NPAS3: variants seen among roughly 807,000 people sequenced by gnomAD.
NPAS3 encodes neuronal PAS domain protein 3.
Under a neutral mutation model 73.1 loss-of-function variants are expected in NPAS3, and 14 were observed. The observed-to-expected ratio is 0.19, with a 90% CI of 0.13 to 0.30. NPAS3 has a LOEUF of 0.30. NPAS3 is among the 10% of genes least tolerant of loss of function. The pLI is 1.00. For missense variants in NPAS3, 1,096 were observed against 1,250.0 expected (o/e 0.88, Z 1.86); for synonymous variants, 620 against 541.5 (o/e 1.14, Z -2.01).
chr14:33,246,566 A>G (rs1437500794), intron 3 of NPAS3, among the ~76,000 whole-genome samples: 1 of 149,826 alleles, frequency 6.7e-6, no homozygotes, highest in African/African-American at 2.4e-5. Context: ...AAGAAGAACT[A>G]AGTGCTCACT....
chr14:33,088,691 A>T (rs2042117845), intron 2 of NPAS3, among the ~76,000 whole-genome samples: 1 of 152,198 alleles, frequency 6.6e-6, no homozygotes, highest in African/African-American at 2.4e-5. Flanking sequence ...TTCTCCTAGC[A>T]CCGAGTTTTA....
intron 1 of NPAS3, 31 bp from the exon 2 acceptor site, chr14:33,055,874 T>G: frequency 1.3e-6 from 1 of 781,228 alleles, no homozygotes; most frequent in Non-Finnish European, 2.3e-6. Context: ...GAATCTCTAG[T>G]CATGTCTATC....
chr14:33,459,871 C>A (rs1211875298), intron 4 of NPAS3, among the ~76,000 whole-genome samples: 2 of 120,088 alleles, frequency 1.7e-5, no homozygotes, highest in African/African-American at 3.5e-5. Flanking sequence ...ATAATCCGTT[C>A]TCTTCTCTTT....
chr14:33,002,751 G>A (rs917918392), intron 1 of NPAS3, among the ~76,000 whole-genome samples: 2 of 152,214 alleles, frequency 1.3e-5, no homozygotes, highest in Non-Finnish European at 1.5e-5. Context: ...TTGAATGACT[G>A]TAATGTGTTG....
intron 9 of NPAS3, among the ~76,000 whole-genome samples, chr14:33,782,062 G>T (rs922306320): frequency 6.6e-6 from 1 of 152,182 alleles, no homozygotes; most frequent in Non-Finnish European, 1.5e-5. Flanking sequence ...AACTACACTG[G>T]AACTCTAAAG....
At chr14:33,701,245 C>CT (rs1445391510) in intron 6 of NPAS3, among the ~76,000 whole-genome samples, 1 of 152,196 alleles carries the variant, frequency 6.6e-6, no homozygotes, top group African/African-American at 2.4e-5. Flanking sequence ...TTAGGACTGT[C>CT]TTTTTTATTT....
chr14:33,081,532 G>T (rs1361854055), intron 2 of NPAS3, among the ~76,000 whole-genome samples: 1 of 152,170 alleles, frequency 6.6e-6, no homozygotes, highest in Non-Finnish European at 1.5e-5. Flanking sequence ...TGTAAATAGA[G>T]ACTTCTTCTA....
chr14:33,517,571 C>A (rs137896105), intron 4 of NPAS3, among the ~76,000 whole-genome samples: 1 of 152,140 alleles, frequency 6.6e-6, no homozygotes, highest in Non-Finnish European at 1.5e-5. Context: ...TTCTCCCACA[C>A]CTGTAAAGCT....
chr14:33,133,203 T>C (rs2043704545), intron 2 of NPAS3, among the ~76,000 whole-genome samples: 2 of 152,124 alleles, frequency 1.3e-5, no homozygotes, highest in Non-Finnish European at 2.9e-5. Flanking sequence ...ATATAATAAA[T>C]TGTATTATAG....
chr14:33,518,015 T>A (rs2053383186), intron 4 of NPAS3, among the ~76,000 whole-genome samples: 1 of 152,092 alleles, frequency 6.6e-6, no homozygotes, highest in Non-Finnish European at 1.5e-5. Flanking sequence ...TACCAGAGAC[T>A]ACAAGGTAAA....
At chr14:33,693,593 A>G (rs1355956377) in intron 6 of NPAS3, among the ~76,000 whole-genome samples, 1 of 152,204 alleles carries the variant, frequency 6.6e-6, no homozygotes, top group Non-Finnish European at 1.5e-5. Context: ...CAGAAGTCCC[A>G]TACAAACAGT....
At chr14:32,979,527 G>C (rs2783752) in intron 1 of NPAS3, among the ~76,000 whole-genome samples, 22,197 of 152,084 alleles carry the variant, frequency 0.15, 1,589 homozygotes, top group East Asian at 0.17. Context: ...GTAATAGCAA[G>C]TGTCTGTCTG....
At chr14:33,552,714 CGT>C (rs1300959968) in intron 4 of NPAS3, among the ~76,000 whole-genome samples, 1 of 151,726 alleles carries the variant, frequency 6.6e-6, no homozygotes, top group Non-Finnish European at 1.5e-5. Context: ...CTGGTACCCG[CGT>C]GTGAGTGAAC....
intron 2 of NPAS3, among the ~76,000 whole-genome samples, chr14:33,213,044 A>G (rs1291800255): frequency 6.6e-6 from 1 of 152,200 alleles, no homozygotes; most frequent in Non-Finnish European, 1.5e-5. Flanking sequence ...GTCCTCTAGA[A>G]GTGGTGACAC....
At chr14:33,203,764 A>G (rs2046713466) in intron 2 of NPAS3, among the ~76,000 whole-genome samples, 1 of 152,174 alleles carries the variant, frequency 6.6e-6, no homozygotes, top group African/African-American at 2.4e-5. Context: ...CCTATTGTGA[A>G]TAATGCCGCA....
intron 4 of NPAS3, among the ~76,000 whole-genome samples, chr14:33,428,670 C>T (rs1047113349): frequency 6.6e-6 from 1 of 152,134 alleles, no homozygotes; most frequent in Admixed American, 6.6e-5. Context: ...ACACTGAGCA[C>T]TAAGCTTAGA....
At chr14:33,778,258 C>T (rs374904156) in intron 8 of NPAS3, among the ~76,000 whole-genome samples, 6 of 152,330 alleles carry the variant, frequency 3.9e-5, no homozygotes, top group African/African-American at 1.4e-4. Flanking sequence ...AACACAATCG[C>T]TTGATCTAAC....
chr14:32,960,764 A>G (rs576920407), intron 1 of NPAS3, among the ~76,000 whole-genome samples: 1 of 152,346 alleles, frequency 6.6e-6, no homozygotes, highest in African/African-American at 2.4e-5. Context: ...AGAAAAAAGG[A>G]AAGAACTTAC....
intron 4 of NPAS3, among the ~76,000 whole-genome samples, chr14:33,397,298 C>T (rs1028957615): frequency 6.6e-6 from 1 of 152,098 alleles, no homozygotes; most frequent in Non-Finnish European, 1.5e-5. Context: ...AAGTACTAAG[C>T]CACAATACTA....
Sources: gnomAD v4.1 joint callset for allele counts (sites outside exome capture counted in the v4.1 genomes callset) on GRCh38, gnomAD v4.1.1 for gene constraint, MANE v1.5 for transcripts, NCBI Gene and HGNC (gene_info 2026-07-23, HGNC 2026-07-21) for gene names.